Variants in SH3PXD2A observed in about 807,000 individuals in gnomAD.
SH3PXD2A encodes the protein SH3 and PX domains 2A.
In SH3PXD2A, 32 loss-of-function variants were observed where a neutral mutation model predicts 115.2. The ratio of observed to expected loss-of-function variants is 0.28; its 90% confidence interval spans 0.21 to 0.37. The LOEUF (loss-of-function observed/expected upper bound fraction) is 0.37. SH3PXD2A is among the 10% of genes least tolerant of loss of function. The pLI is 1.00. For missense variants in SH3PXD2A, 1,328 were observed against 1,498.7 expected (o/e 0.89, Z 1.88); for synonymous variants, 610 against 629.1 (o/e 0.97, Z 0.45).
intron 5 of SH3PXD2A, among the ~76,000 whole-genome samples, chr10:103,699,686 G>C (rs984583993): frequency 6.6e-6 from 1 of 152,180 alleles, no homozygotes; most frequent in African/African-American, 2.4e-5. Context: ...ATGGCCTCCA[G>C]AGGCAGCAAC....
intron 6 of SH3PXD2A, among the ~76,000 whole-genome samples, chr10:103,670,635 G>A (rs906504886): frequency 2.6e-5 from 4 of 152,166 alleles, no homozygotes; most frequent in Non-Finnish European, 1.5e-5. Context: ...CTCAGACACC[G>A]GGTTATCTGG....
intron 11 of SH3PXD2A, 137 bp from the exon 12 acceptor site, chr10:103,613,327 CTG>C: frequency 1.6e-6 from 1 of 628,440 alleles, no homozygotes; most frequent in Non-Finnish European, 2.6e-6. Context: ...TCCCACTACT[CTG>C]GAGAGAAATG....
chr10:103,596,644 C>CAG lies in SH3PXD2A; in HGVS notation c.*5171_*5172insCT, dbSNP rs67331275. Reference sequence around the variant, plus strand: ...ACACTTGCATACACAGACACACACACACACACACACACACACACACTCTCT... The same window carrying CAG: ...ACACTTGCATACACAGACACACACACAGACACACACACACACACACACTCTCT... On this transcript the variant is annotated 3_prime_UTR_variant, in exon 15 of 15. Transcript: ENST00000369774. 42,620 of 106,320 alleles carry CAG rather than the reference C, an allele frequency of 0.4. 6,288 individuals are homozygous for CAG. The highest frequency in any genetic ancestry group is 0.58 in the South Asian group (2,091 of 3,590). 6.6% of individuals were successfully genotyped at this position (106,320 alleles called of 1,614,324 possible).
At chr10:103,637,457 T>C (rs140692043) in intron 8 of SH3PXD2A, among the ~76,000 whole-genome samples, 7 of 152,170 alleles carry the variant, frequency 4.6e-5, no homozygotes, top group African/African-American at 1.7e-4. Flanking sequence ...GGTATCCAGG[T>C]GGGGAAGGGT....
chr10:103,605,817 C>T lies in SH3PXD2A; in HGVS notation c.1409G>A (p.Arg470Gln), dbSNP rs374221356. ...QSCISDGISF[R>Q]GGQKAEVIDK... ...GCTTACCTCTGCCTTCTGTCCACCCCGAAAGCTGATGCCATCGGAAATGCA... is the reference window on the plus strand; with the variant it reads ...GCTTACCTCTGCCTTCTGTCCACCCTGAAAGCTGATGCCATCGGAAATGCA... The change falls in exon 14 of 15, where the codon CGG (arginine) becomes CAG (glutamine). Residue 470 changes from arginine (R) to glutamine (Q), a missense_variant. By Grantham distance (43) the Arg-to-Gln change is conservative. This residue lies in a region of SH3PXD2A where 509 missense variants were observed against 628.3 expected (regional missense o/e 0.81). Coordinates refer to ENST00000369774, the MANE Select transcript of SH3PXD2A (RefSeq NM_001394015.1). 2.3e-5 allele frequency: 37 copies of T among 1,613,984 alleles called. 1 individual carries two copies. Among genetic ancestry groups the T allele is most frequent in the Middle Eastern group, 1.6e-4 (1 of 6,084 alleles).
chr10:103,739,113 G>A (rs988442235), intron 3 of SH3PXD2A, among the ~76,000 whole-genome samples: 1 of 152,218 alleles, frequency 6.6e-6, no homozygotes, highest in Non-Finnish European at 1.5e-5. Flanking sequence ...CTCCACAGGT[G>A]TAGGAGATCC....
At chr10:103,745,888 G>C (rs1349216327) in intron 3 of SH3PXD2A, 2 of 152,166 alleles carry the variant, frequency 1.3e-5, no homozygotes, top group Admixed American at 1.3e-4. Context: ...CGCCCCCTAG[G>C]GGCATTCTAG....
intron 1 of SH3PXD2A, among the ~76,000 whole-genome samples, chr10:103,849,852 C>G (rs976312354): frequency 6.6e-6 from 1 of 152,216 alleles, no homozygotes; most frequent in Non-Finnish European, 1.5e-5. Context: ...GGTCCCTATC[C>G]TAATCTACTA....
At chr10:103,680,785 T>C (rs1221824899) in intron 6 of SH3PXD2A, among the ~76,000 whole-genome samples, 1 of 152,228 alleles carries the variant, frequency 6.6e-6, no homozygotes, top group Non-Finnish European at 1.5e-5. Flanking sequence ...CTAAGTTTTA[T>C]GGAAACTCAG....
At chr10:103,748,975 CTTTT>C (rs376417666) in intron 3 of SH3PXD2A, among the ~76,000 whole-genome samples, 7 of 146,844 alleles carry the variant, frequency 4.8e-5, no homozygotes, top group African/African-American at 1.7e-4. Flanking sequence ...TTTCTTCTTT[CTTTT>C]TTTTTTTTGA....
At chr10:103,838,338 T>C (rs993488735) in intron 1 of SH3PXD2A, among the ~76,000 whole-genome samples, 10 of 152,206 alleles carry the variant, frequency 6.6e-5, no homozygotes, top group Admixed American at 2.6e-4. Flanking sequence ...GCTTTTGCCA[T>C]CATCGGCATT....
At chr10:103,849,941 GT>G (rs1418114056) in intron 1 of SH3PXD2A, among the ~76,000 whole-genome samples, 1 of 152,096 alleles carries the variant, frequency 6.6e-6, no homozygotes, top group African/African-American at 2.4e-5. Context: ...GTTTCATTTT[GT>G]TTAATTAAGA....
chr10:103,848,591 C>T (rs1020223520), intron 1 of SH3PXD2A, among the ~76,000 whole-genome samples: 1 of 152,184 alleles, frequency 6.6e-6, no homozygotes, highest in Non-Finnish European at 1.5e-5. Context: ...CCCTCATCCA[C>T]CCTCGGCTTT....
intron 3 of SH3PXD2A, among the ~76,000 whole-genome samples, chr10:103,751,693 G>A (rs2038581610): frequency 6.6e-6 from 1 of 152,220 alleles, no homozygotes; most frequent in African/African-American, 2.4e-5. Context: ...GTCACACACT[G>A]CTGGGATTAA....
intron 5 of SH3PXD2A, among the ~76,000 whole-genome samples, chr10:103,698,198 G>A (rs2037848645): frequency 6.6e-6 from 1 of 152,222 alleles, no homozygotes; most frequent in Admixed American, 6.5e-5. Context: ...GAGCCACTGA[G>A]GCACGGGAGA....
chr10:103,704,654 T>A (rs1271175921), intron 5 of SH3PXD2A, among the ~76,000 whole-genome samples: 1 of 152,180 alleles, frequency 6.6e-6, no homozygotes, highest in Non-Finnish European at 1.5e-5. Flanking sequence ...CAGCAGGCAC[T>A]CAAAACGCAG....
chr10:103,608,199 C>T (rs1426530299), intron 13 of SH3PXD2A, among the ~76,000 whole-genome samples: 1 of 136,142 alleles, frequency 7.3e-6, no homozygotes, highest in Non-Finnish European at 1.6e-5. Flanking sequence ...GACCCACCAG[C>T]AGGGAGAACA....
intron 4 of SH3PXD2A, among the ~76,000 whole-genome samples, chr10:103,732,603 G>A (rs995500019): frequency 3.9e-5 from 6 of 152,344 alleles, no homozygotes; most frequent in South Asian, 2.1e-4. Flanking sequence ...TCCACTGCAC[G>A]GTCAGACTTT....
intron 1 of SH3PXD2A, among the ~76,000 whole-genome samples, chr10:103,804,597 T>C (rs1238151746): frequency 1.3e-5 from 2 of 152,012 alleles, no homozygotes; most frequent in African/African-American, 2.4e-5. Context: ...CCTGGGATTA[T>C]AGGCATGAAC....
Sources: gnomAD v4.1 joint callset for allele counts (sites outside exome capture counted in the v4.1 genomes callset) on GRCh38, gnomAD v4.1.1 for gene constraint, gnomAD v4.1.1 regional missense constraint, MANE v1.5 for transcripts, NCBI Gene and HGNC (gene_info 2026-07-23, HGNC 2026-07-21) for gene names.